The following EFCAB6 variants were observed in gnomAD, a reference collection of about 807,000 sequenced individuals.
EFCAB6 encodes EF-hand calcium binding domain 6.
EFCAB6 carries 156 observed loss-of-function variants against 169.8 expected under a neutral mutation model. That is an observed-to-expected ratio of 0.92 (90% CI 0.81 to 1.05). The LOEUF is 1.05. EFCAB6 is among the 50% of genes least tolerant of loss of function. The probability of loss-of-function intolerance (pLI) is 0.00; values close to 1 mark genes in which losing one functional copy is unlikely to be tolerated. For synonymous variants in EFCAB6, 698 were observed against 676.4 expected, an observed-to-expected ratio of 1.03 and a Z score of -0.50; for missense variants, 1,800 against 1,829.1, an observed-to-expected ratio of 0.98 and a Z score of 0.29.
chr22:43,759,555 T>C (rs2061079434), intron 5 of EFCAB6: 2 of 152,208 alleles, frequency 1.3e-5, no homozygotes, highest in East Asian at 1.9e-4. Context: ...TTCAGCCTGA[T>C]CATTTTAAGC....
intron 17 of EFCAB6, among the ~76,000 whole-genome samples, chr22:43,654,262 A>G (rs2056623663): frequency 1.3e-5 from 2 of 152,034 alleles, no homozygotes; most frequent in Admixed American, 1.3e-4. Flanking sequence ...GTGGCTTGAA[A>G]GAGCTGGAGC....
chr22:43,794,322 CA>C (rs2062419554), intron 2 of EFCAB6, among the ~76,000 whole-genome samples: 1 of 152,202 alleles, frequency 6.6e-6, no homozygotes, highest in Admixed American at 6.5e-5. Flanking sequence ...AACCATGTGA[CA>C]ACCTTGTGAG....
intron 22 of EFCAB6, among the ~76,000 whole-genome samples, chr22:43,606,947 GC>G (rs2052962566): frequency 6.6e-6 from 1 of 152,040 alleles, no homozygotes; most frequent in Admixed American, 6.5e-5. Flanking sequence ...CCCATGGCCA[GC>G]CCCCACTCAG....
At chr22:43,713,821 A>G (rs1235229923) in intron 9 of EFCAB6, among the ~76,000 whole-genome samples, 1 of 152,236 alleles carries the variant, frequency 6.6e-6, no homozygotes, top group Non-Finnish European at 1.5e-5. Flanking sequence ...CTATACTCAT[A>G]ATATGAGTGA....
At chr22:43,530,674 G>T in intron 31 of EFCAB6, 141 bp downstream of exon 31, 1 of 1,492,340 alleles carries the variant, frequency 6.7e-7, no homozygotes, top group Non-Finnish European at 8.9e-7. Context: ...TAACTTGGGG[G>T]TCCCAGGGAA....
chr22:43,760,127 C>T (rs1603340998), intron 5 of EFCAB6, among the ~76,000 whole-genome samples: 1 of 149,518 alleles, frequency 6.7e-6, no homozygotes, highest in African/African-American at 2.5e-5. Context: ...CCGCTTGAAC[C>T]CAGGAGGCAG....
intron 27 of EFCAB6, among the ~76,000 whole-genome samples, chr22:43,551,300 C>A (rs1198810112): frequency 4.6e-5 from 7 of 152,168 alleles, no homozygotes; most frequent in African/African-American, 1.7e-4. Context: ...GTTGATCAGC[C>A]CATCCAGGGG....
chr22:43,729,624 T>G lies in EFCAB6; in HGVS notation c.757+2075A>C, dbSNP rs140469429. Among the ~76,000 whole-genome samples the G allele has an allele frequency of 3.4e-3, 514 of 152,314 alleles. 2 individuals are homozygous for G. The highest frequency in any genetic ancestry group is 5.7e-3 in the Admixed American group (87 of 15,300). Reference sequence around the variant, plus strand: ...TGAACACAAGGCAGAGATCCCACCTTGGAAGAAAACGTAACTTCAGATACA... The same window carrying G: ...TGAACACAAGGCAGAGATCCCACCTGGGAAGAAAACGTAACTTCAGATACA... On this transcript the variant is annotated intron_variant, in intron 8 of 31. Coordinates refer to ENST00000262726, the MANE Select transcript of EFCAB6 (RefSeq NM_022785.4).
intron 19 of EFCAB6, among the ~76,000 whole-genome samples, chr22:43,629,756 G>A (rs1014912239): frequency 6.6e-5 from 10 of 152,238 alleles, no homozygotes; most frequent in African/African-American, 2.4e-4. Context: ...CCAAGCAAAG[G>A]AACAGAATGT....
At chr22:43,530,676 C>T in intron 31 of EFCAB6, 139 bp downstream of exon 31, 4 of 1,495,542 alleles carry the variant, frequency 2.7e-6, no homozygotes, top group Non-Finnish European at 2.7e-6. Flanking sequence ...ACTTGGGGGT[C>T]CCAGGGAAGT....
At chr22:43,542,117 G>A (rs1318802768) in intron 27 of EFCAB6, among the ~76,000 whole-genome samples, 1 of 152,248 alleles carries the variant, frequency 6.6e-6, no homozygotes, top group Non-Finnish European at 1.5e-5. Context: ...TGGACTCGGA[G>A]CTGAGGAGGC....
At chr22:43,668,729 CTAAT>C in intron 16 of EFCAB6, 139 bp downstream of exon 16, 2 of 730,088 alleles carry the variant, frequency 2.7e-6, no homozygotes. Context: ...TTCCCTGACT[CTAAT>C]TACTGTCTTT....
chr22:43,787,378 ACACAC>A (rs1009792709), intron 2 of EFCAB6, among the ~76,000 whole-genome samples: 212 of 148,684 alleles, frequency 1.4e-3, no homozygotes, highest in African/African-American at 5.0e-3. Flanking sequence ...ACACACACAC[ACACAC>A]AATTAGAACT....
chr22:43,583,571 A>G (rs962329077), intron 24 of EFCAB6, among the ~76,000 whole-genome samples: 5 of 149,610 alleles, frequency 3.3e-5, no homozygotes, highest in South Asian at 2.2e-4. Context: ...CTCAAAATTC[A>G]TATGTTAAAA....
intron 26 of EFCAB6, among the ~76,000 whole-genome samples, chr22:43,574,626 T>C (rs1026996291): frequency 1.4e-5 from 2 of 143,416 alleles, no homozygotes; most frequent in Non-Finnish European, 3.0e-5. Context: ...CCCATGAATA[T>C]GTATTCCTTT....
At chr22:43,570,599 G>A (rs937813559) in intron 26 of EFCAB6, among the ~76,000 whole-genome samples, 3 of 136,612 alleles carry the variant, frequency 2.2e-5, no homozygotes, top group Admixed American at 8.1e-5. Flanking sequence ...GTGTGCTGCC[G>A]TTTAGGTGTT....
At chr22:43,693,070 G>T (rs1255906207) in intron 10 of EFCAB6, among the ~76,000 whole-genome samples, 2 of 152,132 alleles carry the variant, frequency 1.3e-5, no homozygotes, top group Non-Finnish European at 2.9e-5. Flanking sequence ...GAAGTGGAAA[G>T]ATGTGGAACA....
intron 13 of EFCAB6, among the ~76,000 whole-genome samples, chr22:43,672,922 A>G (rs1384139120): frequency 2.0e-5 from 3 of 152,248 alleles, no homozygotes; most frequent in Non-Finnish European, 4.4e-5. Flanking sequence ...AAGGAAAAGT[A>G]CAATAAACAC....
intron 1 of EFCAB6, among the ~76,000 whole-genome samples, chr22:43,810,745 A>G (rs189628998): frequency 6.6e-6 from 1 of 152,348 alleles, no homozygotes; most frequent in Admixed American, 6.5e-5. Flanking sequence ...ATGATCACCT[A>G]TCATGAACCA....
Sources: gnomAD v4.1 joint callset for allele counts (sites outside exome capture counted in the v4.1 genomes callset) on GRCh38, gnomAD v4.1.1 for gene constraint, MANE v1.5 for transcripts, NCBI Gene and HGNC (gene_info 2026-07-23, HGNC 2026-07-21) for gene names.